Variants in TNFRSF1B observed in about 807,000 individuals in gnomAD.
TNFRSF1B encodes TNF receptor superfamily member 1B.
In TNFRSF1B, 19 loss-of-function variants were observed where a neutral mutation model predicts 44.6. That is an observed-to-expected ratio of 0.43 (90% CI 0.30 to 0.62). The LOEUF (loss-of-function observed/expected upper bound fraction) is 0.62, where lower values mean the gene tolerates loss of function less well. Among genes scored for constraint, TNFRSF1B ranks in the 20% least tolerant of loss-of-function variants. TNFRSF1B has a pLI of 0.16. For missense variants in TNFRSF1B, 541 were observed against 619.9 expected (o/e 0.87, Z 1.35); for synonymous variants, 252 against 261.1 (o/e 0.97, Z 0.34).
At position 12,188,784 on chromosome 1, in the gene TNFRSF1B, T is replaced by C. The variant is rs1382613442; in HGVS notation, c.79-12T>C. The C allele has an allele frequency of 6.2e-7, 1 of 1,612,536 alleles. No individual in the cohort carries two copies. The highest frequency in any genetic ancestry group is 8.5e-7 in the Non-Finnish European group (1 of 1,179,116). Reference sequence around the variant, plus strand: ...GGCCCTGTTGATGGCAGTCTTCCCTTCTTCCTTCCAGGTGGCATTTACACC... The same window carrying C: ...GGCCCTGTTGATGGCAGTCTTCCCTCCTTCCTTCCAGGTGGCATTTACACC... On this transcript the variant is annotated splice_polypyrimidine_tract_variant and intron_variant, in intron 1 of 9. Transcript: ENST00000376259.
At chr1:12,205,067 A>G (rs1639473115) in intron 9 of TNFRSF1B, among the ~76,000 whole-genome samples, 1 of 151,926 alleles carries the variant, frequency 6.6e-6, no homozygotes, top group African/African-American at 2.4e-5. Flanking sequence ...CTGGTTGGGG[A>G]CCCCAGGAGC....
rs1165481374 is a variant in TNFRSF1B, at chr1:12,186,351, A to T, written c.79-2445A>T. 6.6e-6 allele frequency among the ~76,000 whole-genome samples: 1 copy of T among 152,174 alleles called. No individual in the cohort carries two copies. Among genetic ancestry groups the T allele is most frequent in the Non-Finnish European group, 1.5e-5 (1 of 68,022 alleles). ...AGGAAGGGGAGGAGGAGGCACACTG[A>T]ACCCACCTGCTACGTTGGCTGGTGG... On this transcript the variant is annotated intron_variant, in intron 1 of 9. Transcript: ENST00000376259. The surrounding 1 kb of genome is among the most constrained non-coding windows in gnomAD (Gnocchi z 4.8).
chr1:12,183,740 T>G lies in TNFRSF1B; in HGVS notation c.79-5056T>G, dbSNP rs950730223. On this transcript the variant is annotated intron_variant, in intron 1 of 9. Transcript: ENST00000376259. The stretch of plus-strand genomic sequence containing the variant: ...ATCTACCTATCTATCTATCTATCTA[T>G]CTATCTATCTAGCTAGCTAGCTAGC... Among the ~76,000 whole-genome samples, 77 of 131,178 alleles carry G rather than the reference T, an allele frequency of 5.9e-4. 2 individuals are homozygous for G. Among genetic ancestry groups the G allele is most frequent in the Admixed American group, 1.4e-3 (19 of 13,628 alleles). 86.1% of individuals were successfully genotyped at this position (131,178 alleles called of 152,430 possible). A position where few individuals can be genotyped will look rare whatever the true frequency, so the allele number is the denominator to read the frequency against.
intron 1 of TNFRSF1B, among the ~76,000 whole-genome samples, chr1:12,174,406 C>A (rs1291988828): frequency 2.0e-5 from 3 of 152,020 alleles, no homozygotes; most frequent in Admixed American, 2.0e-4. Context: ...CACCACCACA[C>A]CCGGCTAGTT....
At chr1:12,184,458 C>T (rs1638932082) in intron 1 of TNFRSF1B, among the ~76,000 whole-genome samples, 1 of 152,118 alleles carries the variant, frequency 6.6e-6, no homozygotes, top group South Asian at 2.1e-4. Context: ...GGGAGGAAGT[C>T]CTACCCCCTC....
chr1:12,191,953 C>G, intron 4 of TNFRSF1B, 30 bp downstream of exon 4: 1 of 1,597,278 alleles, frequency 6.3e-7, no homozygotes, highest in Non-Finnish European at 8.5e-7. Context: ...TCCTTGGGGA[C>G]GCCCATGGGC....
At chr1:12,190,812 G>A in intron 2 of TNFRSF1B, 145 bp from the exon 3 acceptor site, 2 of 903,742 alleles carry the variant, frequency 2.2e-6, no homozygotes, top group South Asian at 3.5e-5. Context: ...ATACTAGATG[G>A]GAGATGATTC....
rs1177403424 is a variant in TNFRSF1B, at chr1:12,208,049, A to G, written c.*1029A>G. On this transcript the variant is annotated 3_prime_UTR_variant, in exon 10 of 10. Transcript: ENST00000376259. ...GGCAAGATAACGCACTTCTAACTAG[A>G]AATCTGCCAATTTTTTAAAAAAGTA... 6.6e-6 allele frequency: 1 copy of G among 152,244 alleles called. No individual in the cohort carries two copies. Among genetic ancestry groups the G allele is most frequent in the Non-Finnish European group, 1.5e-5 (1 of 68,038 alleles). The allele number at this position is 152,244 out of a possible 1,614,324, so 9.4% of individuals were successfully genotyped here. A position where few individuals can be genotyped will look rare whatever the true frequency, so the allele number is the denominator to read the frequency against.
At position 12,192,462 on chromosome 1, in the gene TNFRSF1B, C is replaced by G. The variant is rs750854322; in HGVS notation, c.489C>G (p.Pro163=). 1 of 1,614,022 alleles carries G rather than the reference C, an allele frequency of 6.2e-7. No individual in the cohort carries two copies. Among genetic ancestry groups the G allele is most frequent in the African/African-American group, 1.3e-5 (1 of 74,906 alleles). ...AAACATCAGACGTGGTGTGCAAGCC[C>G]TGTGCCCCGGGGACGTTCTCCAACA... is the stretch of plus-strand genomic sequence containing the variant. ...GTETSDVVCK[P]CAPGTFSNTT... The change falls in exon 5 of 10, where the codon CCC becomes CCG. Residue 163 remains proline (P), a synonymous_variant. Coordinates refer to ENST00000376259, the MANE Select transcript of TNFRSF1B (RefSeq NM_001066.3).
intron 1 of TNFRSF1B, 131 bp from the exon 2 acceptor site, chr1:12,188,665 C>T: frequency 1.2e-6 from 1 of 813,048 alleles, no homozygotes. Context: ...GGGGGAGAAA[C>T]CTCCCCAGCC....
chr1:12,174,160 TCTTCTCCTTCTCCTTCTC>T (rs1197180713), intron 1 of TNFRSF1B, among the ~76,000 whole-genome samples: 140 of 67,798 alleles, frequency 2.1e-3, no homozygotes, highest in Middle Eastern at 6.3e-3. Flanking sequence ...TTCTTCTTCT[TCTTCTCCTTCTCCTTCTC>T]CTTCTCCTTC....
Position 12,180,822 on chromosome 1 carries a change from C to T in TNFRSF1B, c.79-7974C>T, listed in dbSNP as rs1019780443. On this transcript the variant is annotated intron_variant, in intron 1 of 9. Coordinates refer to ENST00000376259, the MANE Select transcript of TNFRSF1B (RefSeq NM_001066.3). This position sits in a 1 kb window ranked among gnomAD's most constrained non-coding sequence, Gnocchi z 4.3. ...TCAGAAGCTCACCTTCTTGCAGGCT[C>T]TCACAGCCGCATCGTCCTCTGGCTG... 6.6e-6 allele frequency among the ~76,000 whole-genome samples: 1 copy of T among 152,208 alleles called. No individual in the cohort carries two copies. Among genetic ancestry groups the T allele is most frequent in the Non-Finnish European group, 1.5e-5 (1 of 68,030 alleles).
At chr1:12,182,822 C>G (rs1197022134) in intron 1 of TNFRSF1B, among the ~76,000 whole-genome samples, 1 of 152,258 alleles carries the variant, frequency 6.6e-6, no homozygotes, top group African/African-American at 2.4e-5. Flanking sequence ...GGGTCTAACC[C>G]CTGGGTGACA....
rs948424958 is a variant in TNFRSF1B at position 12,168,963 on chromosome 1, T to C, written c.78+1794T>C. Among the ~76,000 whole-genome samples the C allele has an allele frequency of 6.6e-6, 1 of 151,400 alleles. No homozygotes were observed. Among genetic ancestry groups the C allele is most frequent in the African/African-American group, 2.5e-5 (1 of 40,700 alleles). ...ACCTGAACTCTTCCTCGCGCCTCCC[T>C]GCACATGTGCTCCCCCGCCTCTGTA... On this transcript the variant is annotated intron_variant, in intron 1 of 9. Coordinates refer to ENST00000376259, the MANE Select transcript of TNFRSF1B (RefSeq NM_001066.3). The surrounding 1 kb of genome is among the most constrained non-coding windows in gnomAD (Gnocchi z 4.7).
Position 12,208,559 on chromosome 1 carries a change from G to A in TNFRSF1B, c.*1539G>A, listed in dbSNP as rs1639564750. On this transcript the variant is annotated 3_prime_UTR_variant, in exon 10 of 10. Transcript: ENST00000376259. ...TCCCAGGGCCAGGGCCCTGCAGAGGGGAAACCAGTGTAGCCTTGCCCGGAT... is the reference window on the plus strand; with the variant it reads ...TCCCAGGGCCAGGGCCCTGCAGAGGAGAAACCAGTGTAGCCTTGCCCGGAT... 6.6e-6 allele frequency: 1 copy of A among 152,392 alleles called. No individual in the cohort carries two copies. The highest frequency in any genetic ancestry group is 2.4e-5 in the African/African-American group (1 of 41,470). 9.4% of individuals were successfully genotyped at this position (152,392 alleles called of 1,614,324 possible). A position where few individuals can be genotyped will look rare whatever the true frequency, so the allele number is the denominator to read the frequency against.
intron 1 of TNFRSF1B, among the ~76,000 whole-genome samples, chr1:12,174,049 C>T (rs1229588188): frequency 6.6e-6 from 1 of 152,188 alleles, no homozygotes; most frequent in Non-Finnish European, 1.5e-5. Flanking sequence ...TCCCAGGGCT[C>T]TGGCTCTGCC....
chr1:12,191,096 T>A lies in TNFRSF1B; in HGVS notation c.307+11T>A. 1 of 1,612,094 alleles carries A rather than the reference T, an allele frequency of 6.2e-7. No individual in the cohort carries two copies. The highest frequency in any genetic ancestry group is 8.5e-7 in the Non-Finnish European group (1 of 1,178,814). Reference sequence around the variant, plus strand: ...CCCGCTGTAGCTCTGGTGAGTAGGTTCAGAGAAAAAGGGGGCCCTTACACC... The same window carrying A: ...CCCGCTGTAGCTCTGGTGAGTAGGTACAGAGAAAAAGGGGGCCCTTACACC... On this transcript the variant is annotated intron_variant, in intron 3 of 9. Transcript: ENST00000376259.
At chr1:12,188,963 C>A (rs1815530) in intron 2 of TNFRSF1B, 68 bp downstream of exon 2, 35 of 1,426,256 alleles carry the variant, frequency 2.5e-5, no homozygotes, top group Non-Finnish European at 3.3e-5. Flanking sequence ...GGGGCTGGGG[C>A]GCAAGAGCAT....
intron 1 of TNFRSF1B, among the ~76,000 whole-genome samples, chr1:12,174,101 C>T (rs1638579971): frequency 1.3e-5 from 2 of 151,450 alleles, no homozygotes; most frequent in Admixed American, 1.3e-4. Flanking sequence ...TGACAAGCCA[C>T]TCTGCATCTC....
Sources: allele counts gnomAD v4.1 joint callset (sites outside exome capture counted in the v4.1 genomes callset), GRCh38; gene constraint gnomAD v4.1.1; non-coding constraint Gnocchi (gnomAD v3.1); transcripts MANE v1.5; gene names NCBI Gene and HGNC (gene_info 2026-07-23, HGNC 2026-07-21).